Variants in RSPO2 observed in about 807,000 individuals in gnomAD.
The protein encoded by RSPO2 is R-spondin-2.
Under a neutral mutation model 30.9 loss-of-function variants are expected in RSPO2, and 14 were observed. The ratio of observed to expected loss-of-function variants is 0.45; its 90% confidence interval spans 0.30 to 0.71. The LOEUF (loss-of-function observed/expected upper bound fraction) is 0.71, where lower values mean the gene tolerates loss of function less well. Ranked by LOEUF, RSPO2 falls within the 30% of genes least tolerant of loss-of-function variation. The probability of loss-of-function intolerance (pLI) is 0.08; values close to 1 mark genes in which losing one functional copy is unlikely to be tolerated. For synonymous variants in RSPO2, 107 were observed against 96.4 expected (o/e 1.11, Z -0.64); for missense variants, 264 against 301.9 (o/e 0.87, Z 0.93).
chr8:108,013,578 C>G (rs1810775593), intron 2 of RSPO2, among the ~76,000 whole-genome samples: 1 of 152,124 alleles, frequency 6.6e-6, no homozygotes, highest in Non-Finnish European at 1.5e-5. Flanking sequence ...TTTGACAAAC[C>G]TGACAAAAAC....
intron 5 of RSPO2, among the ~76,000 whole-genome samples, chr8:107,925,070 A>G (rs1303574326): frequency 2.0e-5 from 3 of 152,014 alleles, no homozygotes; most frequent in African/African-American, 7.2e-5. Context: ...TTTATTCTTG[A>G]GTTATAAAGT....
intron 2 of RSPO2, among the ~76,000 whole-genome samples, chr8:108,029,322 A>G (rs551931315): frequency 6.6e-6 from 1 of 152,144 alleles, no homozygotes; most frequent in African/African-American, 2.4e-5. Flanking sequence ...CCCTTTACAA[A>G]GTGATCCAAC....
chr8:107,983,298 G>C (rs1250642977), intron 3 of RSPO2: 1 of 1,603,652 alleles, frequency 6.2e-7, no homozygotes, highest in African/African-American at 1.3e-5. Flanking sequence ...AATTGCAAAG[G>C]GATAGCCATA....
intron 2 of RSPO2, among the ~76,000 whole-genome samples, chr8:108,023,209 C>T (rs781780065): frequency 6.6e-6 from 1 of 152,174 alleles, no homozygotes; most frequent in Non-Finnish European, 1.5e-5. Flanking sequence ...ATACTAAGAA[C>T]AATCTCTCTT....
intron 2 of RSPO2, among the ~76,000 whole-genome samples, chr8:108,026,701 T>C (rs889246036): frequency 1.3e-5 from 2 of 152,000 alleles, no homozygotes; most frequent in Admixed American, 1.3e-4. Flanking sequence ...ACCCCATGTC[T>C]ACTAAAAATA....
intron 3 of RSPO2, 54 bp from the exon 4 acceptor site, chr8:107,960,871 G>C: frequency 7.3e-7 from 1 of 1,371,480 alleles, no homozygotes; most frequent in Non-Finnish European, 9.9e-7. Flanking sequence ...AAATTTACTT[G>C]TTTTACAAAT....
intron 5 of RSPO2, among the ~76,000 whole-genome samples, chr8:107,919,176 G>A (rs1000124326): frequency 4.6e-5 from 7 of 152,006 alleles, no homozygotes; most frequent in African/African-American, 1.2e-4. Flanking sequence ...TGATCAGCAC[G>A]AAGAAGTTAG....
chr8:108,082,422 C>T, intron 2 of RSPO2, 123 bp downstream of exon 2: 1 of 700,510 alleles, frequency 1.4e-6, no homozygotes, highest in East Asian at 2.6e-5. Context: ...ACTGGGGACC[C>T]GCAAAAGCTG....
intron 2 of RSPO2, among the ~76,000 whole-genome samples, chr8:108,009,116 G>A (rs957770325): frequency 2.6e-5 from 4 of 152,092 alleles, no homozygotes; most frequent in Non-Finnish European, 5.9e-5. Flanking sequence ...CAATTGGTAA[G>A]CATTCAGGAA....
intron 2 of RSPO2, among the ~76,000 whole-genome samples, chr8:108,015,343 T>C (rs192403506): frequency 1.3e-5 from 2 of 152,318 alleles, no homozygotes; most frequent in Non-Finnish European, 2.9e-5. Context: ...TCATATGTCA[T>C]GCACACACAC....
intron 5 of RSPO2, among the ~76,000 whole-genome samples, chr8:107,951,603 T>C (rs1290349097): frequency 6.6e-6 from 1 of 152,156 alleles, no homozygotes; most frequent in East Asian, 1.9e-4. Flanking sequence ...AAATTCTTTT[T>C]ACAAGTACCC....
chr8:107,941,758 T>C (rs1017842731), intron 5 of RSPO2, among the ~76,000 whole-genome samples: 4 of 152,220 alleles, frequency 2.6e-5, no homozygotes, highest in Non-Finnish European at 5.9e-5. Flanking sequence ...AAGTGCTTCT[T>C]GATTGAACAC....
At chr8:108,077,756 A>C (rs989707257) in intron 2 of RSPO2, among the ~76,000 whole-genome samples, 1 of 152,186 alleles carries the variant, frequency 6.6e-6, no homozygotes, top group Non-Finnish European at 1.5e-5. Flanking sequence ...AAAATGTATA[A>C]ATATAGATAC....
At chr8:108,004,935 AT>A (rs1307845292) in intron 2 of RSPO2, among the ~76,000 whole-genome samples, 2 of 151,972 alleles carry the variant, frequency 1.3e-5, no homozygotes, top group African/African-American at 2.4e-5. Context: ...ATAGTTCTTT[AT>A]TTTTTTCCTA....
intron 3 of RSPO2, among the ~76,000 whole-genome samples, chr8:107,973,350 GT>G (rs1814074144): frequency 6.6e-6 from 1 of 151,982 alleles, no homozygotes; most frequent in Non-Finnish European, 1.5e-5. Flanking sequence ...TAACGGTTTT[GT>G]CAGTTTTGTC....
intron 3 of RSPO2, chr8:107,984,067 G>A: frequency 1.9e-6 from 1 of 526,698 alleles, no homozygotes; most frequent in Non-Finnish European, 3.4e-6. Flanking sequence ...GGTCATCCCG[G>A]AAATGCTTCA....
At chr8:107,956,101 G>A (rs768994463) in intron 5 of RSPO2, among the ~76,000 whole-genome samples, 7 of 152,022 alleles carry the variant, frequency 4.6e-5, no homozygotes, top group Non-Finnish European at 8.8e-5. Context: ...TTTATCAATC[G>A]GTGCTCAAGT....
chr8:108,066,498 C>G (rs1390651759), intron 2 of RSPO2, among the ~76,000 whole-genome samples: 1 of 151,858 alleles, frequency 6.6e-6, no homozygotes, highest in Non-Finnish European at 1.5e-5. Flanking sequence ...TAAGCAGAAA[C>G]TGTTGGAAGA....
chr8:107,949,775 A>G (rs1320451594), intron 5 of RSPO2, among the ~76,000 whole-genome samples: 2 of 152,204 alleles, frequency 1.3e-5, no homozygotes, highest in Non-Finnish European at 2.9e-5. Context: ...AATACAATGT[A>G]CATTATTTGG....
Sources: allele counts gnomAD v4.1 joint callset (sites outside exome capture counted in the v4.1 genomes callset), GRCh38; gene constraint gnomAD v4.1.1; transcripts MANE v1.5; gene names NCBI Gene and HGNC (gene_info 2026-07-23, HGNC 2026-07-21).